FGF10: variants seen among roughly 807,000 people sequenced by gnomAD.
The protein encoded by FGF10 is FGF-10.
FGF10 carries 2 observed loss-of-function variants against 19.8 expected under a neutral mutation model. That is an observed-to-expected ratio of 0.10 (90% CI 0.04 to 0.32). The LOEUF (loss-of-function observed/expected upper bound fraction) is 0.32. Ranked by LOEUF, FGF10 falls within the 10% of genes least tolerant of loss-of-function variation. The probability of loss-of-function intolerance (pLI) is 1.00; values close to 1 mark genes in which losing one functional copy is unlikely to be tolerated. For missense variants in FGF10, 191 were observed against 246.3 expected (o/e 0.78, Z 1.50); for synonymous variants, 112 against 94.0 (o/e 1.19, Z -1.10).
intron 1 of FGF10, among the ~76,000 whole-genome samples, chr5:44,362,994 C>CA (rs1741526445): frequency 6.6e-6 from 1 of 151,700 alleles, no homozygotes; most frequent in Non-Finnish European, 1.5e-5. Flanking sequence ...CGGGGCCTGG[C>CA]ATGTAGTAAG....
chr5:44,358,921 G>T lies in FGF10; in HGVS notation c.325+29437C>A, dbSNP rs866831546. On this transcript the variant is annotated intron_variant, in intron 1 of 2. Coordinates refer to ENST00000264664, the MANE Select transcript of FGF10 (RefSeq NM_004465.2). ...AAAATGGAAATTAGATAATTAATAG[G>T]ATTACCCTCCTAAAATAAAAATCTC... Among the ~76,000 whole-genome samples the T allele has an allele frequency of 8.4e-4, 127 of 151,502 alleles. 2 individuals carry two copies. Among genetic ancestry groups the T allele is most frequent in the African/African-American group, 2.8e-3 (115 of 41,412 alleles).
chr5:44,338,665 T>C (rs1282052332), intron 1 of FGF10, among the ~76,000 whole-genome samples: 1 of 152,198 alleles, frequency 6.6e-6, no homozygotes, highest in Non-Finnish European at 1.5e-5. Context: ...GGCTAAATTC[T>C]AACAAATGTA....
chr5:44,315,116 T>C (rs1740306350), intron 1 of FGF10, among the ~76,000 whole-genome samples: 1 of 149,812 alleles, frequency 6.7e-6, no homozygotes, highest in Admixed American at 6.7e-5. Flanking sequence ...GCAAACAAGA[T>C]GTGGTCCTTG....
At chr5:44,335,653 TC>T (rs1740832522) in intron 1 of FGF10, among the ~76,000 whole-genome samples, 1 of 152,096 alleles carries the variant, frequency 6.6e-6, no homozygotes, top group African/African-American at 2.4e-5. Context: ...GGAAAACACA[TC>T]CTTTGTACCA....
intron 1 of FGF10, among the ~76,000 whole-genome samples, chr5:44,387,991 A>G (rs963949836): frequency 3.3e-5 from 5 of 152,120 alleles, no homozygotes; most frequent in African/African-American, 4.8e-5. Flanking sequence ...CCATTTCCAG[A>G]AGGAAGGAAA....
At chr5:44,321,922 C>T (rs1282420176) in intron 1 of FGF10, among the ~76,000 whole-genome samples, 2 of 152,056 alleles carry the variant, frequency 1.3e-5, no homozygotes, top group Non-Finnish European at 2.9e-5. Flanking sequence ...ATCACCATGC[C>T]CGGCTAATTT....
At chr5:44,361,705 T>G (rs1741486732) in intron 1 of FGF10, among the ~76,000 whole-genome samples, 1 of 151,676 alleles carries the variant, frequency 6.6e-6, no homozygotes, top group Admixed American at 6.6e-5. Context: ...AGATTCTTTA[T>G]GCCTTACAAA....
intron 1 of FGF10, among the ~76,000 whole-genome samples, chr5:44,367,132 G>T (rs570179767): frequency 3.9e-5 from 6 of 152,062 alleles, no homozygotes; most frequent in African/African-American, 1.4e-4. Flanking sequence ...GATAGAAAAT[G>T]AATTCACACT....
intron 1 of FGF10, among the ~76,000 whole-genome samples, chr5:44,347,797 G>A (rs916599651): frequency 1.1e-4 from 16 of 151,600 alleles, no homozygotes; most frequent in African/African-American, 3.9e-4. Context: ...CCATTGTGCT[G>A]GTGGAGGGGA....
Position 44,367,348 on chromosome 5 carries a change from C to G in FGF10, c.325+21010G>C, listed in dbSNP as rs797000166. Among the ~76,000 whole-genome samples, 5 of 152,008 alleles carry G rather than the reference C, an allele frequency of 3.3e-5. 1 individual carries two copies. The highest frequency in any genetic ancestry group is 1.2e-4 in the African/African-American group (5 of 41,488). ...TGTTCTTTATGTAGGCAAACTTTGT[C>G]AAGAAAGCACAGAATACTCTATGGA... On this transcript the variant is annotated intron_variant, in intron 1 of 2. Transcript: ENST00000264664.
chr5:44,367,567 G>A (rs1741648547), intron 1 of FGF10, among the ~76,000 whole-genome samples: 2 of 152,016 alleles, frequency 1.3e-5, no homozygotes, highest in Admixed American at 1.3e-4. Context: ...TAACTACTCA[G>A]TGAAGTTACT....
At chr5:44,353,015 C>A (rs917181515) in intron 1 of FGF10, among the ~76,000 whole-genome samples, 2 of 151,590 alleles carry the variant, frequency 1.3e-5, no homozygotes, top group Non-Finnish European at 3.0e-5. Flanking sequence ...TAGTATGACA[C>A]AATGCCATCT....
intron 1 of FGF10, among the ~76,000 whole-genome samples, chr5:44,360,790 C>T (rs339509): frequency 0.65 from 99,089 of 151,444 alleles, 32,655 homozygotes; most frequent in South Asian, 0.71. Context: ...ATTAACACTA[C>T]CACTAAAAAG....
chr5:44,338,807 G>A (rs1364477125), intron 1 of FGF10, among the ~76,000 whole-genome samples: 1 of 152,158 alleles, frequency 6.6e-6, no homozygotes, highest in Admixed American at 6.6e-5. Context: ...AAGTATCAAA[G>A]TCAAAAGAAT....
chr5:44,305,647 A>G (rs10462070), intron 2 of FGF10, among the ~76,000 whole-genome samples: 2,013 of 152,242 alleles, frequency 0.013, 86 homozygotes, highest in East Asian at 0.12. Context: ...TTACCTACAA[A>G]TCCATAATAA....
chr5:44,310,387 T>A lies in FGF10; in HGVS notation c.429+40A>T, dbSNP rs1456068334. 2.9e-6 allele frequency: 4 copies of A among 1,383,248 alleles called. No homozygotes were observed. In the South Asian group the frequency reaches 4.7e-5, roughly 16 times the overall value. The allele number at this position is 1,383,248 out of a possible 1,614,324, so 85.7% of individuals were successfully genotyped here. A position where few individuals can be genotyped will look rare whatever the true frequency, so the allele number is the denominator to read the frequency against. On this transcript the variant is annotated intron_variant, in intron 2 of 2. Coordinates refer to ENST00000264664, the MANE Select transcript of FGF10 (RefSeq NM_004465.2). ...AAACTTTCCAAAACTATGGTAATGG[T>A]TTACTGGAGTGGATTTGAAAACAAA...
At chr5:44,344,636 G>A (rs905385348) in intron 1 of FGF10, among the ~76,000 whole-genome samples, 1 of 140,110 alleles carries the variant, frequency 7.1e-6, no homozygotes, top group East Asian at 2.2e-4. Flanking sequence ...TCTGCTTCCA[G>A]GGTCAAATAT....
At chr5:44,326,629 A>T (rs1325082819) in intron 1 of FGF10, among the ~76,000 whole-genome samples, 1 of 151,496 alleles carries the variant, frequency 6.6e-6, no homozygotes, top group Non-Finnish European at 1.5e-5. Context: ...AGCTGTTCTC[A>T]ATCTCCCAGG....
chr5:44,316,998 T>C (rs750631942), intron 1 of FGF10, among the ~76,000 whole-genome samples: 23 of 152,142 alleles, frequency 1.5e-4, no homozygotes, highest in Non-Finnish European at 2.8e-4. Context: ...GGTCAAGAAA[T>C]TGTCTCAAAG....
Sources: gnomAD v4.1 joint callset for allele counts (sites outside exome capture counted in the v4.1 genomes callset) on GRCh38, gnomAD v4.1.1 for gene constraint, MANE v1.5 for transcripts, NCBI Gene and HGNC (gene_info 2026-07-23, HGNC 2026-07-21) for gene names.